Variants in KIF26B observed in about 807,000 individuals in gnomAD.
KIF26B encodes the protein kinesin family member 26B.
KIF26B carries 63 observed loss-of-function variants against 151.2 expected under a neutral mutation model. The ratio of observed to expected loss-of-function variants is 0.42; its 90% confidence interval spans 0.34 to 0.51. The LOEUF is 0.51. Ranked by LOEUF, KIF26B falls within the 20% of genes least tolerant of loss-of-function variation. The probability of loss-of-function intolerance (pLI) is 0.07; values close to 1 mark genes in which losing one functional copy is unlikely to be tolerated. For missense variants in KIF26B, 2,813 were observed against 2,913.6 expected, an observed-to-expected ratio of 0.97 and a Z score of 0.79; for synonymous variants, 1,357 against 1,262.1, an observed-to-expected ratio of 1.08 and a Z score of -1.59.
chr1:245,286,497 G>T (rs1183962381), intron 2 of KIF26B, among the ~76,000 whole-genome samples: 2 of 152,110 alleles, frequency 1.3e-5, no homozygotes, highest in East Asian at 3.9e-4. Flanking sequence ...AGCCAAGATG[G>T]CACCACTGCA....
At chr1:245,586,158 AGTGTGTGTGTGTGTGTGTGT>A (rs10526699) in intron 5 of KIF26B, among the ~76,000 whole-genome samples, 2 of 142,088 alleles carry the variant, frequency 1.4e-5, no homozygotes, top group African/African-American at 5.2e-5. Context: ...CACCATGACC[AGTGTGTGTGTGTGTGTGTGT>A]GTGTGTGTGT....
intron 2 of KIF26B, among the ~76,000 whole-genome samples, chr1:245,192,814 C>T (rs1046849932): frequency 1.3e-5 from 2 of 152,328 alleles, no homozygotes; most frequent in South Asian, 2.1e-4. Context: ...TGCAGGTGCA[C>T]GTGTCCCGTT....
At chr1:245,316,238 C>T (rs1458922088) in intron 2 of KIF26B, among the ~76,000 whole-genome samples, 1 of 151,956 alleles carries the variant, frequency 6.6e-6, no homozygotes, top group Admixed American at 6.6e-5. Flanking sequence ...TCTCCTGCCT[C>T]AGCCTCCCAA....
At chr1:245,664,377 A>G (rs2044190739) in intron 10 of KIF26B, among the ~76,000 whole-genome samples, 1 of 146,180 alleles carries the variant, frequency 6.8e-6, no homozygotes, top group African/African-American at 2.6e-5. Flanking sequence ...AAAAAAATCC[A>G]CAACATTTAA....
In KIF26B at chr1:245,305,936, C is replaced by CAAAAAAAAAAA. The variant is rs55865379; in HGVS notation, c.466-60887_466-60877dup. 2.9e-4 allele frequency among the ~76,000 whole-genome samples: 25 copies of CAAAAAAAAAAA among 86,632 alleles called. 1 individual carries two copies. Among genetic ancestry groups the CAAAAAAAAAAA allele is most frequent in the East Asian group, 6.4e-4 (2 of 3,126 alleles). 56.8% of individuals were successfully genotyped at this position (86,632 alleles called of 152,430 possible). A position where few individuals can be genotyped will look rare whatever the true frequency, so the allele number is the denominator to read the frequency against. The stretch of plus-strand genomic sequence containing the variant: ...TGGGTGACAGAGCGAGACGACTCCT[C>CAAAAAAAAAAA]AAAAAAAAAAAAAAAAAAAAAGAAA... On this transcript the variant is annotated intron_variant, in intron 2 of 14. Transcript: ENST00000407071.
intron 2 of KIF26B, among the ~76,000 whole-genome samples, chr1:245,334,343 T>C (rs1266918154): frequency 1.3e-5 from 2 of 152,244 alleles, no homozygotes; most frequent in Admixed American, 6.5e-5. Context: ...TGGTGTTAAC[T>C]AACTCTGTTC....
intron 2 of KIF26B, among the ~76,000 whole-genome samples, chr1:245,232,533 A>G (rs1670017989): frequency 6.6e-6 from 1 of 151,516 alleles, no homozygotes; most frequent in South Asian, 2.1e-4. Context: ...ATGGTAGCAA[A>G]TACATGTGGT....
intron 9 of KIF26B, among the ~76,000 whole-genome samples, chr1:245,629,759 T>G (rs1020678548): frequency 6.6e-6 from 1 of 151,968 alleles, no homozygotes; most frequent in Non-Finnish European, 1.5e-5. Flanking sequence ...TCTAATTAAG[T>G]TAAAGAGCTC....
chr1:245,682,913 T>TCCC (rs1402960038), intron 10 of KIF26B, among the ~76,000 whole-genome samples: 1 of 152,100 alleles, frequency 6.6e-6, no homozygotes, highest in African/African-American at 2.4e-5. Flanking sequence ...CAGCTCCTCC[T>TCCC]CCTCCTCCTC....
chr1:245,575,993 C>A (rs2043114566), intron 5 of KIF26B, among the ~76,000 whole-genome samples: 1 of 152,148 alleles, frequency 6.6e-6, no homozygotes, highest in Non-Finnish European at 1.5e-5. Context: ...ACCCACCATG[C>A]CTGCACCTCC....
intron 3 of KIF26B, among the ~76,000 whole-genome samples, chr1:245,377,308 G>T (rs1337216624): frequency 6.6e-6 from 1 of 152,202 alleles, no homozygotes; most frequent in African/African-American, 2.4e-5. Flanking sequence ...TCCTCTGAAG[G>T]CCCCAGGGAA....
At chr1:245,424,634 C>T (rs906161136) in intron 4 of KIF26B, among the ~76,000 whole-genome samples, 2 of 152,174 alleles carry the variant, frequency 1.3e-5, no homozygotes, top group African/African-American at 4.8e-5. Flanking sequence ...TGCTGGTCCA[C>T]ACACGGTTAC....
intron 2 of KIF26B, chr1:245,206,369 T>C (rs767274686): frequency 4.6e-5 from 7 of 152,214 alleles, no homozygotes; most frequent in Non-Finnish European, 8.8e-5. Flanking sequence ...CCTTTATCTT[T>C]GCACAAAGGA....
chr1:245,544,684 G>C (rs1339113351), intron 5 of KIF26B, among the ~76,000 whole-genome samples: 1 of 152,174 alleles, frequency 6.6e-6, no homozygotes, highest in Non-Finnish European at 1.5e-5. Context: ...TGACAATTTG[G>C]GGTGGAGACA....
chr1:245,366,874 T>C lies in KIF26B; in HGVS notation c.506T>C (p.Val169Ala). Residue 169 changes from valine (V) to alanine (A), a missense_variant, in exon 3 of 15, where the codon GTC becomes GCC. By Grantham distance (64) the Val-to-Ala change is moderately conservative (BLOSUM62 0). Coordinates refer to ENST00000407071, the MANE Select transcript of KIF26B (RefSeq NM_018012.4). ...GCTGTGATTCACGACAAACTCCAGG[T>C]CCCCAACACCATCCGGAAGGCATGG... ...FSAVIHDKLQ[V>A]PNTIRKAWND... 1 of 1,613,946 alleles carries C rather than the reference T, an allele frequency of 6.2e-7. No individual in the cohort carries two copies. Among genetic ancestry groups the C allele is most frequent in the Non-Finnish European group, 8.5e-7 (1 of 1,179,876 alleles).
Position 245,460,307 on chromosome 1 carries a change from C to A in KIF26B, c.1166+40562C>A, listed in dbSNP as rs1280222619. Among the ~76,000 whole-genome samples the A allele has an allele frequency of 5.3e-5, 8 of 152,042 alleles. No homozygotes were observed. The East Asian group carries it at 1.5e-3, about 29-fold the overall frequency. ...TTGTTTTGTTTTTGTTTTTGTTTTTCCAGAATTAGCACATCTTCTCTTCTC... is the reference window on the plus strand; with the variant it reads ...TTGTTTTGTTTTTGTTTTTGTTTTTACAGAATTAGCACATCTTCTCTTCTC... On this transcript the variant is annotated intron_variant, in intron 4 of 14. Coordinates refer to ENST00000407071, the MANE Select transcript of KIF26B (RefSeq NM_018012.4).
At chr1:245,339,064 G>A (rs1672288544) in intron 2 of KIF26B, among the ~76,000 whole-genome samples, 4 of 150,526 alleles carry the variant, frequency 2.7e-5, no homozygotes, top group Admixed American at 1.3e-4. Flanking sequence ...TGCCACCTCC[G>A]TGTCCTGGGT....
At chr1:245,415,067 C>G (rs1395324649) in intron 3 of KIF26B, among the ~76,000 whole-genome samples, 1 of 152,202 alleles carries the variant, frequency 6.6e-6, no homozygotes, top group Non-Finnish European at 1.5e-5. Flanking sequence ...CAATAGCCAA[C>G]CAGTCTACAT....
intron 5 of KIF26B, among the ~76,000 whole-genome samples, chr1:245,590,302 G>C (rs1014805529): frequency 6.6e-6 from 1 of 152,178 alleles, no homozygotes; most frequent in Admixed American, 6.5e-5. Flanking sequence ...CCCCCGGGGC[G>C]GCTGGGCCCC....
Sources: gnomAD v4.1 joint callset for allele counts (sites outside exome capture counted in the v4.1 genomes callset) on GRCh38, gnomAD v4.1.1 for gene constraint, MANE v1.5 for transcripts, NCBI Gene and HGNC (gene_info 2026-07-23, HGNC 2026-07-21) for gene names.